The following VDAC1 variants were observed in gnomAD, a reference collection of about 807,000 sequenced individuals.
VDAC1 encodes non-selective voltage-gated ion channel VDAC1.
VDAC1 carries 10 observed loss-of-function variants against 34.7 expected under a neutral mutation model. That is an observed-to-expected ratio of 0.29 (90% confidence interval 0.18 to 0.49). The LOEUF is 0.49. Among genes scored for constraint, VDAC1 ranks in the 20% least tolerant of loss-of-function variants. The probability of loss-of-function intolerance (pLI) is 0.99; values close to 1 mark genes in which losing one functional copy is unlikely to be tolerated. For missense variants in VDAC1, 230 were observed against 347.9 expected (o/e 0.66, Z 2.69); for synonymous variants, 130 against 136.0 (o/e 0.96, Z 0.30).
At chr5:134,090,309 T>C in the VDAC1 span, among the ~76,000 whole-genome samples, 1 of 152,226 alleles carries the variant, frequency 6.6e-6, no homozygotes, top group Admixed American at 6.5e-5. Context: ...GTTTCTCCTC[T>C]TCTGAACCAC....
chr5:133,982,116 G>C (rs1752720186), intron 5 of VDAC1, among the ~76,000 whole-genome samples: 1 of 152,208 alleles, frequency 6.6e-6, no homozygotes, highest in Non-Finnish European at 1.5e-5. Flanking sequence ...GTAACCTGAA[G>C]AGGCTCCCAA....
the VDAC1 span, among the ~76,000 whole-genome samples, chr5:134,109,786 A>T: frequency 1.1e-5 from 1 of 92,062 alleles, no homozygotes; most frequent in Non-Finnish European, 2.5e-5. Flanking sequence ...AAAAAAAAAA[A>T]AAAAAAGAAC....
intron 4 of VDAC1, 39 bp from the exon 5 acceptor site, chr5:133,990,946 A>G: frequency 6.2e-7 from 1 of 1,603,646 alleles, no homozygotes; most frequent in Non-Finnish European, 8.5e-7. Context: ...TTTAGTCACA[A>G]GGCAGGCTGG....
At chr5:134,014,616 C>A in the VDAC1 span, among the ~76,000 whole-genome samples, 119 of 152,236 alleles carry the variant, frequency 7.8e-4, no homozygotes, top group African/African-American at 2.8e-3. Context: ...ACCTGTAATC[C>A]CAACACTTTG....
At chr5:134,043,310 A>T in the VDAC1 span, among the ~76,000 whole-genome samples, 1 of 152,174 alleles carries the variant, frequency 6.6e-6, no homozygotes, top group Non-Finnish European at 1.5e-5. Context: ...GATATATAGA[A>T]AAGGAGCTGC....
At chr5:134,089,671 C>T in the VDAC1 span, among the ~76,000 whole-genome samples, 1 of 138,450 alleles carries the variant, frequency 7.2e-6, no homozygotes, top group Non-Finnish European at 1.5e-5. Flanking sequence ...GGCTCATGGC[C>T]GGGTGTGGTG....
the VDAC1 span, among the ~76,000 whole-genome samples, chr5:134,064,116 G>T: frequency 6.6e-6 from 1 of 151,086 alleles, no homozygotes; most frequent in African/African-American, 2.4e-5. Flanking sequence ...GGGATTACAG[G>T]CAAGAGCCAC....
chr5:133,984,188 T>C (rs760164178), intron 5 of VDAC1, among the ~76,000 whole-genome samples: 5 of 152,052 alleles, frequency 3.3e-5, no homozygotes, highest in Non-Finnish European at 5.9e-5. Flanking sequence ...CCCAGGTAGC[T>C]AGAACTGACT....
chr5:134,098,642 A>G, the VDAC1 span, among the ~76,000 whole-genome samples: 1 of 152,254 alleles, frequency 6.6e-6, no homozygotes, highest in African/African-American at 2.4e-5. Flanking sequence ...TCTTTATAAC[A>G]TGAAGACCCT....
rs201389631 is a variant in VDAC1 at position 133,975,934 on chromosome 5, T to C, written c.639A>G (p.Gly213=). Residue 213 remains glycine (G), a synonymous_variant, in exon 7 of 9, where the codon GGA becomes GGG. Transcript: ENST00000265333. ...ETAVNLAWTA[G]NSNTRFGIAA... ...CTATTCCGAAGCGCGTGTTACTGTTTCCTGCTGTCCAGGCAAGATTGACAG... is the reference window on the plus strand; with the variant it reads ...CTATTCCGAAGCGCGTGTTACTGTTCCCTGCTGTCCAGGCAAGATTGACAG... 1.2e-5 allele frequency: 19 copies of C among 1,613,364 alleles called. No homozygotes were observed. In the East Asian group the frequency reaches 3.3e-4, roughly 28 times the overall value.
chr5:134,086,479 G>A, the VDAC1 span, among the ~76,000 whole-genome samples: 3 of 152,284 alleles, frequency 2.0e-5, no homozygotes, highest in East Asian at 5.8e-4. Flanking sequence ...AGAGACTCTG[G>A]GCCACTTAGC....
chr5:134,109,770 CAAAAAAAAAA>C, the VDAC1 span, among the ~76,000 whole-genome samples: 114,935 of 141,036 alleles, frequency 0.81, 46,083 homozygotes, highest in Non-Finnish European at 0.87. Context: ...GGCTCCATCT[CAAAAAAAAAA>C]AAAAAAAAAA....
intron 5 of VDAC1, among the ~76,000 whole-genome samples, chr5:133,982,434 C>T (rs1290780179): frequency 6.6e-6 from 1 of 151,654 alleles, no homozygotes; most frequent in Non-Finnish European, 1.5e-5. Flanking sequence ...AACGCTTGAA[C>T]CCGGGAGGCA....
chr5:134,108,571 C>T, the VDAC1 span, among the ~76,000 whole-genome samples: 18 of 152,128 alleles, frequency 1.2e-4, no homozygotes, highest in South Asian at 2.1e-4. Flanking sequence ...GAGCTTTCCT[C>T]GGGGCACTGA....
chr5:134,032,003 C>T, the VDAC1 span, among the ~76,000 whole-genome samples: 1 of 148,332 alleles, frequency 6.7e-6, no homozygotes, highest in African/African-American at 2.5e-5. Flanking sequence ...GTGTCATGCA[C>T]CTGTAGTCCC....
intron 5 of VDAC1, among the ~76,000 whole-genome samples, chr5:133,988,325 G>A (rs1347609874): frequency 6.6e-6 from 1 of 152,068 alleles, no homozygotes; most frequent in East Asian, 1.9e-4. Flanking sequence ...AGTGGCTCAC[G>A]CCTGTAAACC....
the VDAC1 span, among the ~76,000 whole-genome samples, chr5:134,094,614 G>A: frequency 1.3e-5 from 2 of 151,370 alleles, no homozygotes; most frequent in East Asian, 3.9e-4. Context: ...GGAGAATGGC[G>A]TGAACCCGGG....
At chr5:134,028,589 G>A in the VDAC1 span, among the ~76,000 whole-genome samples, 1 of 152,332 alleles carries the variant, frequency 6.6e-6, no homozygotes, top group Admixed American at 6.5e-5. Flanking sequence ...GGAACATCCA[G>A]TCATCTAACA....
chr5:134,068,966 CTGTGTGTGTG>C, the VDAC1 span, among the ~76,000 whole-genome samples: 183 of 136,684 alleles, frequency 1.3e-3, no homozygotes, highest in Middle Eastern at 7.6e-3. Flanking sequence ...TGGGAGGTGA[CTGTGTGTGTG>C]TGTGTGTGTG....
Sources: gnomAD v4.1 joint callset for allele counts (sites outside exome capture counted in the v4.1 genomes callset) on GRCh38, gnomAD v4.1.1 for gene constraint, MANE v1.5 for transcripts, NCBI Gene and HGNC (gene_info 2026-07-23, HGNC 2026-07-21) for gene names.